ZNF100: variants seen among roughly 807,000 people sequenced by gnomAD.
The protein encoded by ZNF100 is zinc finger protein 100.
Under a neutral mutation model 15.8 loss-of-function variants are expected in ZNF100, and 12 were observed. That is an observed-to-expected ratio of 0.76 (90% CI 0.49 to 1.23). ZNF100 has a LOEUF of 1.23. ZNF100 is among the 50% of genes most tolerant of loss of function. The probability of loss-of-function intolerance (pLI) is 0.00; values close to 1 mark genes in which losing one functional copy is unlikely to be tolerated. For synonymous variants in ZNF100, 226 were observed against 214.8 expected, an observed-to-expected ratio of 1.05 and a Z score of -0.45; for missense variants, 670 against 635.6, an observed-to-expected ratio of 1.05 and a Z score of -0.58.
intron 4 of ZNF100, among the ~76,000 whole-genome samples, chr19:21,730,441 C>A (rs1352031966): frequency 3.2e-5 from 2 of 61,562 alleles, no homozygotes; most frequent in African/African-American, 6.1e-5. Flanking sequence ...TTACTGATAA[C>A]CTAAGTGTGT....
rs1315383942 is a variant in ZNF100, at chr19:21,765,907, G to A, written c.4-121C>T. ...AACCCAGGACCAGGAAAAAACTAAA[G>A]GGTGGCTGAGGACACATCACCCCAT... On this transcript the variant is annotated intron_variant, in intron 1 of 4. Coordinates refer to ENST00000358296, the MANE Select transcript of ZNF100 (RefSeq NM_173531.4). 8.7e-6 allele frequency: 8 copies of A among 924,648 alleles called. No homozygotes were observed. In the East Asian group the frequency reaches 1.3e-4, roughly 15 times the overall value. The allele number at this position is 924,648 out of a possible 1,614,324, so 57.3% of individuals were successfully genotyped here. A position where few individuals can be genotyped will look rare whatever the true frequency, so the allele number is the denominator to read the frequency against.
rs1568281473 is a variant in ZNF100 at position 21,723,614 on chromosome 19, G to C, written c.*3069C>G. Reference sequence around the variant, plus strand: ...TTCAGCATTGCAGCCTGGAAACTATGTCCTCTCCACATGAAGAATCAATTT... The same window carrying C: ...TTCAGCATTGCAGCCTGGAAACTATCTCCTCTCCACATGAAGAATCAATTT... On this transcript the variant is annotated 3_prime_UTR_variant, in exon 5 of 5. Transcript: ENST00000358296. The C allele has an allele frequency of 6.6e-6, 1 of 152,128 alleles. No homozygotes were observed. Among genetic ancestry groups the C allele is most frequent in the African/African-American group, 2.4e-5 (1 of 41,428 alleles). The allele number at this position is 152,128 out of a possible 1,614,324, so 9.4% of individuals were successfully genotyped here. A position where few individuals can be genotyped will look rare whatever the true frequency, so the allele number is the denominator to read the frequency against.
rs2035736862 is a variant in ZNF100 at position 21,724,401 on chromosome 19, G to C, written c.*2282C>G. ...ATATGTAAATCAAAACTAAATGTCT[G>C]CATGTGTTTGCAGGCAGACAGGAAA... is the stretch of plus-strand genomic sequence containing the variant. On this transcript the variant is annotated 3_prime_UTR_variant, in exon 5 of 5. Coordinates refer to ENST00000358296, the MANE Select transcript of ZNF100 (RefSeq NM_173531.4). The C allele has an allele frequency of 6.6e-6, 1 of 152,046 alleles. No individual in the cohort carries two copies. The highest frequency in any genetic ancestry group is 1.5e-5 in the Non-Finnish European group (1 of 68,000). The allele number at this position is 152,046 out of a possible 1,614,324, so 9.4% of individuals were successfully genotyped here. A position where few individuals can be genotyped will look rare whatever the true frequency, so the allele number is the denominator to read the frequency against.
Position 21,726,906 on chromosome 19 carries a change from G to T in ZNF100, c.1406C>A (p.Ser469Tyr). 2 of 1,611,666 alleles carry T rather than the reference G, an allele frequency of 1.2e-6. No individual in the cohort carries two copies. The highest frequency in any genetic ancestry group is 1.7e-6 in the Non-Finnish European group (2 of 1,179,258). Residue 469 changes from serine to tyrosine, a missense_variant, in exon 5 of 5, where the codon TCC becomes TAC. By Grantham distance (144) the Ser-to-Tyr change is moderately radical (BLOSUM62 -2). Coordinates refer to ENST00000358296, the MANE Select transcript of ZNF100 (RefSeq NM_173531.4). ...CDECGKAFNR[S>Y]SQLTAHKMIH... The stretch of plus-strand genomic sequence containing the variant: ...CATCTTATGTGCAGTTAGTTGTGAG[G>T]ACCGGTTAAAGGCTTTGCCACATTC...
chr19:21,733,617 T>TA (rs371871221), intron 4 of ZNF100, among the ~76,000 whole-genome samples: 1 of 152,276 alleles, frequency 6.6e-6, no homozygotes, highest in African/African-American at 2.4e-5. Context: ...TCAGCAGACT[T>TA]AGTCTTTCCC....
In ZNF100 at chr19:21,726,626, T is replaced by C; in HGVS notation, c.*57A>G. 2.7e-6 allele frequency: 4 copies of C among 1,476,468 alleles called. No individual in the cohort carries two copies. Among genetic ancestry groups the C allele is most frequent in the Non-Finnish European group, 1.8e-6 (2 of 1,091,150 alleles). 91.5% of individuals were successfully genotyped at this position (1,476,468 alleles called of 1,614,324 possible). A position where few individuals can be genotyped will look rare whatever the true frequency, so the allele number is the denominator to read the frequency against. ...ACAGTCACAGGAGTTCCCTCCAGTA[T>C]GAATTTTTTTATGTTTAGTAAGAGT... On this transcript the variant is annotated 3_prime_UTR_variant, in exon 5 of 5. Transcript: ENST00000358296.
At position 21,767,543 on chromosome 19, in the gene ZNF100, A is replaced by C; in HGVS notation, c.-114T>G. 1 of 1,474,750 alleles carries C rather than the reference A, an allele frequency of 6.8e-7. No individual in the cohort carries two copies. Among genetic ancestry groups the C allele is most frequent in the Non-Finnish European group, 9.2e-7 (1 of 1,085,326 alleles). The allele number at this position is 1,474,750 out of a possible 1,614,324, so 91.4% of individuals were successfully genotyped here. A position where few individuals can be genotyped will look rare whatever the true frequency, so the allele number is the denominator to read the frequency against. On this transcript the variant is annotated 5_prime_UTR_variant, in exon 1 of 5. Transcript: ENST00000358296. ...GCAGAAGACACAGAGAAGTGAGAGC[A>C]AAACCTGGAGCTCCGGCTACAGCGA...
chr19:21,744,681 G>C (rs1243249882), intron 3 of ZNF100, among the ~76,000 whole-genome samples: 2 of 151,956 alleles, frequency 1.3e-5, no homozygotes, highest in Non-Finnish European at 2.9e-5. Context: ...AAAAACATGG[G>C]CAACAATATT....
chr19:21,766,371 G>C (rs1340775957), intron 1 of ZNF100, among the ~76,000 whole-genome samples: 1 of 149,270 alleles, frequency 6.7e-6, no homozygotes, highest in Non-Finnish European at 1.5e-5. Context: ...ATAATTAAGA[G>C]ACAGGCAATT....
chr19:21,724,552 CAATTT>C lies in ZNF100; in HGVS notation c.*2126_*2130del, dbSNP rs1384303234. On this transcript the variant is annotated 3_prime_UTR_variant, in exon 5 of 5. Coordinates refer to ENST00000358296, the MANE Select transcript of ZNF100 (RefSeq NM_173531.4). Reference sequence around the variant, plus strand: ...ATAAAAATAACACTGTAATCAATAACAATTTAATTTTACATTTTAAAATAACTAAA... The same window carrying C: ...ATAAAAATAACACTGTAATCAATAACAATTTTACATTTTAAAATAACTAAA... 3.9e-5 allele frequency: 6 copies of C among 152,100 alleles called. No individual in the cohort carries two copies. The highest frequency in any genetic ancestry group is 2.1e-4 in the South Asian group (1 of 4,830). 9.4% of individuals were successfully genotyped at this position (152,100 alleles called of 1,614,324 possible). A position where few individuals can be genotyped will look rare whatever the true frequency, so the allele number is the denominator to read the frequency against.
At chr19:21,753,131 G>A (rs978721237) in intron 2 of ZNF100, 2 of 152,182 alleles carry the variant, frequency 1.3e-5, no homozygotes, top group African/African-American at 4.8e-5. Flanking sequence ...CACACCTGAG[G>A]TTCCAGCTAC....
chr19:21,735,891 C>T (rs1252180398), intron 4 of ZNF100, among the ~76,000 whole-genome samples: 1 of 151,842 alleles, frequency 6.6e-6, no homozygotes, highest in Admixed American at 6.6e-5. Context: ...CGGGTTCACA[C>T]CATTCTCCTG....
chr19:21,727,386 C>T lies in ZNF100; in HGVS notation c.926G>A (p.Arg309Lys). Residue 309 changes from arginine to lysine, a missense_variant, in exon 5 of 5, where the codon AGA (arginine) becomes AAA (lysine). Physicochemically the swap from Arg to Lys is conservative, Grantham distance 26. Coordinates refer to ENST00000358296, the MANE Select transcript of ZNF100 (RefSeq NM_173531.4). The part of the protein sequence containing the change: ...NRSSHLTTHK[R>K]IHTGVKPYKC... ...GTAGGGTTTCACTCCAGTATGAATT[C>T]TTTTATGTGTAGTAAGGTGTGAAGA... 6.2e-7 allele frequency: 1 copy of T among 1,612,146 alleles called. No individual in the cohort carries two copies. Among genetic ancestry groups the T allele is most frequent in the Non-Finnish European group, 8.5e-7 (1 of 1,179,606 alleles).
At chr19:21,732,515 T>C (rs1291709525) in intron 4 of ZNF100, among the ~76,000 whole-genome samples, 1 of 152,006 alleles carries the variant, frequency 6.6e-6, no homozygotes, top group African/African-American at 2.4e-5. Context: ...CAGTCTTAAA[T>C]TGTACAGAGT....
At chr19:21,741,792 C>CA (rs1416168062) in intron 4 of ZNF100, among the ~76,000 whole-genome samples, 4 of 152,156 alleles carry the variant, frequency 2.6e-5, no homozygotes, top group African/African-American at 4.8e-5. Flanking sequence ...TCTCTTCTCT[C>CA]AAATTTCCCA....
intron 1 of ZNF100, 132 bp from the exon 2 acceptor site, chr19:21,765,918 G>A (rs2145752804): frequency 1.3e-6 from 1 of 795,390 alleles, no homozygotes; most frequent in East Asian, 2.7e-5. Context: ...GGTGGCTGAG[G>A]ACACATCACC....
rs1056052914 is a variant in ZNF100, at chr19:21,722,891, TTA to T, written c.*3790_*3791del. 5.4e-4 allele frequency: 82 copies of T among 151,984 alleles called. No individual in the cohort carries two copies. The East Asian group carries it at 0.011, about 21-fold the overall frequency. 9.4% of individuals were successfully genotyped at this position (151,984 alleles called of 1,614,324 possible). A position where few individuals can be genotyped will look rare whatever the true frequency, so the allele number is the denominator to read the frequency against. On this transcript the variant is annotated 3_prime_UTR_variant, in exon 5 of 5. Coordinates refer to ENST00000358296, the MANE Select transcript of ZNF100 (RefSeq NM_173531.4). ...TAATTTCTACATTTTCTTGCAAATT[TTA>T]TGTTTGCCACACTTTAAGAATCTAA...
At chr19:21,754,942 T>G (rs2036367802) in intron 2 of ZNF100, among the ~76,000 whole-genome samples, 1 of 152,154 alleles carries the variant, frequency 6.6e-6, no homozygotes, top group Admixed American at 6.6e-5. Flanking sequence ...TATACAAATT[T>G]AAAAGAAAGA....
chr19:21,737,763 G>A (rs1438840123), intron 4 of ZNF100, among the ~76,000 whole-genome samples: 2 of 152,074 alleles, frequency 1.3e-5, no homozygotes, highest in African/African-American at 4.8e-5. Context: ...AGAAGCCCAG[G>A]ACCAGATGGA....
Sources: gnomAD v4.1 joint callset for allele counts (sites outside exome capture counted in the v4.1 genomes callset) on GRCh38, gnomAD v4.1.1 for gene constraint, MANE v1.5 for transcripts, NCBI Gene and HGNC (gene_info 2026-07-23, HGNC 2026-07-21) for gene names.